The following PAK6 variants were observed in gnomAD, a reference collection of about 807,000 sequenced individuals.
PAK6 encodes the protein p21 (RAC1) activated kinase 6.
A neutral mutation model predicts 60.8 loss-of-function variants in PAK6; 33 were observed. The observed-to-expected ratio is 0.54, with a 90% confidence interval of 0.41 to 0.73. The LOEUF is 0.73. Ranked by LOEUF, PAK6 falls within the 30% of genes least tolerant of loss-of-function variation. PAK6 has a pLI of 0.00. For synonymous variants in PAK6, 404 were observed against 378.5 expected (o/e 1.07, Z -0.78); for missense variants, 845 against 904.1 (o/e 0.93, Z 0.84).
chr15:40,272,559 G>A (rs2039336685), exon 6 of PAK6: 3 of 1,613,564 alleles, frequency 1.9e-6, no homozygotes, highest in Non-Finnish European at 2.5e-6. Context: ...GGATGGTGGT[G>A]GACCAGGGTG....
rs142207208 is a variant in PAK6, at chr15:40,252,857, C to T, written c.-117-321C>T. 2,601 of 1,261,336 alleles carry T rather than the reference C, an allele frequency of 2.1e-3. 43 individuals are homozygous for T. The African/African-American group carries it at 0.039, about 19-fold the overall frequency. 78.1% of individuals were successfully genotyped at this position (1,261,336 alleles called of 1,614,324 possible). A position where few individuals can be genotyped will look rare whatever the true frequency, so the allele number is the denominator to read the frequency against. On this transcript the variant is annotated intron_variant, in intron 2 of 10. Coordinates refer to ENST00000560346, the Ensembl canonical transcript of PAK6. ...GCTCCGCGTCCCTGGAGCGGGACCT[C>T]CCTCCGCGGGCGCCCGCCCGGCGCG...
chr15:40,273,809 C>T (rs2039376711), intron 9 of PAK6, 133 bp downstream of exon 9: 1 of 1,094,592 alleles, frequency 9.1e-7, no homozygotes, highest in South Asian at 1.5e-5. Flanking sequence ...AACACCCTTC[C>T]CCCTTTCGAT....
intron 5 of PAK6, among the ~76,000 whole-genome samples, chr15:40,267,190 A>G (rs189267855): frequency 6.7e-6 from 1 of 149,180 alleles, no homozygotes; most frequent in African/African-American, 2.5e-5. Context: ...GGCTGCTGAC[A>G]GTGGCATGGG....
At chr15:40,261,123 C>T (rs1218114559) in intron 3 of PAK6, among the ~76,000 whole-genome samples, 11 of 151,880 alleles carry the variant, frequency 7.2e-5, no homozygotes, top group Admixed American at 3.3e-4. Context: ...CTCCTGACCT[C>T]GTGATTCGCC....
At chr15:40,270,452 C>T (rs564274952) in intron 5 of PAK6, among the ~76,000 whole-genome samples, 14 of 152,328 alleles carry the variant, frequency 9.2e-5, no homozygotes, top group Non-Finnish European at 1.0e-4. Context: ...TTCTCTAGCT[C>T]CCCAGATCTC....
At position 40,270,371 on chromosome 15, in the gene PAK6, G is replaced by A. The variant is rs115292043; in HGVS notation, c.859-1853G>A. ...GTTCCATGGGCCTCCTAGGACCCAG[G>A]GACCTTGTTCAAATGCAGTCTCTGC... is the stretch of plus-strand genomic sequence containing the variant. On this transcript the variant is annotated intron_variant, in intron 5 of 10. Coordinates refer to ENST00000560346, the Ensembl canonical transcript of PAK6. Among the ~76,000 whole-genome samples, 656 of 152,326 alleles carry A rather than the reference G, an allele frequency of 4.3e-3. 4 individuals are homozygous for A. Among genetic ancestry groups the A allele is most frequent in the African/African-American group, 0.015 (623 of 41,558 alleles).
At chr15:40,253,395 T>C in intron 3 of PAK6, 106 bp downstream of exon 3, 2 of 401,650 alleles carry the variant, frequency 5.0e-6, no homozygotes, top group Non-Finnish European at 1.0e-5. Context: ...GCTGGCTCCT[T>C]CCTGGTACTG....
At chr15:40,265,949 C>G in exon 5 of PAK6, 2 of 1,606,196 alleles carry the variant, frequency 1.2e-6, no homozygotes, top group South Asian at 2.2e-5. Context: ...GTGGCCGCAG[C>G]CCCACCAGCC....
intron 3 of PAK6, 22 bp downstream of exon 3, chr15:40,253,311 G>C (rs1441072410): frequency 4.4e-6 from 2 of 454,766 alleles, no homozygotes; most frequent in African/African-American, 4.0e-5. Context: ...AGCGGCCCCC[G>C]GCCCTAGAGC....
At chr15:40,262,907 A>G (rs2039020754) in intron 3 of PAK6, among the ~76,000 whole-genome samples, 1 of 152,166 alleles carries the variant, frequency 6.6e-6, no homozygotes, top group South Asian at 2.1e-4. Context: ...GACTCCCTAC[A>G]ACTCATCTGC....
exon 11 of PAK6, chr15:40,276,114 G>A: frequency 6.2e-7 from 1 of 1,610,206 alleles, no homozygotes; most frequent in Non-Finnish European, 8.5e-7. Context: ...AAGTATGCCT[G>A]CCACCTACGC....
intron 2 of PAK6, chr15:40,252,757 C>T (rs1045816235): frequency 3.8e-5 from 50 of 1,301,660 alleles, no homozygotes; most frequent in Admixed American, 2.3e-4. Context: ...GCGCAGCCCC[C>T]TTCCTGGGTG....
chr15:40,274,231 G>C (rs139943572), exon 10 of PAK6: 1 of 1,613,516 alleles, frequency 6.2e-7, no homozygotes, highest in Admixed American at 1.7e-5. Context: ...AAGCCATGAA[G>C]AGGCTCCGGG....
At chr15:40,273,037 GCCCTCACCATGGCC>G (rs779700404) in intron 7 of PAK6, 38 bp downstream of exon 7, 5 of 1,607,382 alleles carry the variant, frequency 3.1e-6, no homozygotes, top group Non-Finnish European at 3.4e-6. Flanking sequence ...AGTGCAGGCT[GCCCTCACCATGGCC>G]CTGCCAGGGC....
chr15:40,246,722 G>T (rs1365421152), intron 2 of PAK6: 1 of 152,312 alleles, frequency 6.6e-6, no homozygotes, highest in Non-Finnish European at 1.5e-5. Flanking sequence ...AACCACCCCT[G>T]CAGCAGTCAA....
At chr15:40,266,111 G>A (rs2039123377) in exon 5 of PAK6, 2 of 1,607,288 alleles carry the variant, frequency 1.2e-6, no homozygotes, top group Non-Finnish European at 1.7e-6. Flanking sequence ...ACAAGCAGAT[G>A]CCGTGGCCCG....
intron 5 of PAK6, among the ~76,000 whole-genome samples, chr15:40,270,054 C>G (rs7162220): frequency 6.6e-6 from 1 of 152,062 alleles, no homozygotes; most frequent in Non-Finnish European, 1.5e-5. Flanking sequence ...CCCGACCCAC[C>G]TGGATGGGTG....
Position 40,240,583 on chromosome 15 carries a change from T to TC in PAK6, c.-200-15dup, listed in dbSNP as rs1555385656. 7.3e-6 allele frequency: 3 copies of TC among 411,098 alleles called. No homozygotes were observed. Among genetic ancestry groups the TC allele is most frequent in the African/African-American group, 4.4e-5 (2 of 45,850 alleles). 25.5% of individuals were successfully genotyped at this position (411,098 alleles called of 1,614,324 possible). On this transcript the variant is annotated splice_polypyrimidine_tract_variant and intron_variant, in intron 1 of 10. Transcript: ENST00000560346. Reference sequence around the variant, plus strand: ...TTTCCTTTTTTTTTTTTTTTTTTTTTCTATTTTGCCTGAAGGGAGTGCCGC... The same window carrying TC: ...TTTCCTTTTTTTTTTTTTTTTTTTTTCCTATTTTGCCTGAAGGGAGTGCCGC...
intron 3 of PAK6, chr15:40,264,570 C>A: frequency 1.6e-6 from 1 of 631,790 alleles, no homozygotes; most frequent in Non-Finnish European, 2.9e-6. Flanking sequence ...TCTGCACTGG[C>A]TTATTTATGG....
Sources: gnomAD v4.1 joint callset for allele counts (sites outside exome capture counted in the v4.1 genomes callset) on GRCh38, gnomAD v4.1.1 for gene constraint, MANE v1.5 for transcripts, NCBI Gene and HGNC (gene_info 2026-07-23, HGNC 2026-07-21) for gene names.